Variants in AFF2 observed in about 807,000 individuals in gnomAD.
The protein encoded by AFF2 is AF4/FMR2 family member 2.
Under a neutral mutation model 76.9 loss-of-function variants are expected in AFF2, and 14 were observed. The ratio of observed to expected loss-of-function variants is 0.18; its 90% CI spans 0.12 to 0.28. The LOEUF is 0.28. Ranked by LOEUF, AFF2 falls within the 10% of genes least tolerant of loss-of-function variation. The pLI, the probability that AFF2 is intolerant of heterozygous loss-of-function variation, is 1.00. For missense variants in AFF2, 868 were observed against 1,001.1 expected, an observed-to-expected ratio of 0.87 and a Z score of 1.79; for synonymous variants, 398 against 366.7, an observed-to-expected ratio of 1.09 and a Z score of -0.98.
intron 1 of AFF2, among the ~76,000 whole-genome samples, chrX:148,527,639 CTA>C (rs1353373511): frequency 9.0e-6 from 1 of 111,517 alleles, no homozygotes; most frequent in Non-Finnish European, 1.9e-5. Context: ...CCAATTAACA[CTA>C]CGTGAAAGAT....
intron 1 of AFF2, 53 bp downstream of exon 1, chrX:148,501,197 CTG>C (rs1394938848): frequency 8.4e-7 from 1 of 1,192,644 alleles, no homozygotes; most frequent in African/African-American, 1.8e-5. Flanking sequence ...CTGGCGAAGT[CTG>C]AGGTTTTCGC....
intron 4 of AFF2, among the ~76,000 whole-genome samples, chrX:148,822,704 GGTGTGTGTGTGT>G (rs36003565): frequency 3.3e-5 from 3 of 92,242 alleles, no homozygotes; most frequent in South Asian, 6.0e-4. Flanking sequence ...ATTCCTCCAG[GGTGTGTGTGTGT>G]GTGTGTGTGT....
intron 3 of AFF2, among the ~76,000 whole-genome samples, chrX:148,796,748 C>T (rs914599097): frequency 8.9e-6 from 1 of 111,825 alleles, no homozygotes; most frequent in African/African-American, 3.2e-5. Context: ...AAATGGAAGA[C>T]TTAGGAACAA....
At chrX:148,598,366 C>T (rs1315787386) in intron 1 of AFF2, among the ~76,000 whole-genome samples, 5 of 111,257 alleles carry the variant, frequency 4.5e-5, no homozygotes, top group African/African-American at 6.5e-5. Context: ...AGACATGGTT[C>T]GTCCCCTTCC....
At chrX:148,837,264 C>A (rs148726464) in intron 4 of AFF2, among the ~76,000 whole-genome samples, 8 of 112,006 alleles carry the variant, frequency 7.1e-5, no homozygotes. Flanking sequence ...GGAGAAGAGA[C>A]GATGCCAGGG....
chrX:148,775,765 CCAAACTCCCT>C (rs1557268505), intron 3 of AFF2, among the ~76,000 whole-genome samples: 2 of 110,788 alleles, frequency 1.8e-5, no homozygotes, highest in South Asian at 7.9e-4. Context: ...GTGTCTGTCC[CCAAACTCCCT>C]CTGCCTCTCT....
intron 3 of AFF2, among the ~76,000 whole-genome samples, chrX:148,767,638 T>C (rs782334968): frequency 1.8e-5 from 2 of 111,792 alleles, no homozygotes; most frequent in African/African-American, 3.2e-5. Context: ...GAAAAACTAA[T>C]TTGCTAAGAA....
intron 7 of AFF2, among the ~76,000 whole-genome samples, chrX:148,884,286 T>A (rs782083905): frequency 6.2e-5 from 7 of 112,386 alleles, no homozygotes; most frequent in Non-Finnish European, 1.1e-4. Flanking sequence ...CCAGCAATCA[T>A]CCTTTATATC....
At chrX:148,967,496 A>G in intron 14 of AFF2, 133 bp from the exon 15 acceptor site, 1 of 561,140 alleles carries the variant, frequency 1.8e-6, no homozygotes, top group Non-Finnish European at 2.8e-6. Context: ...TTATGATATG[A>G]ATGACAGCAT....
At chrX:148,566,310 T>C (rs2053170154) in intron 1 of AFF2, among the ~76,000 whole-genome samples, 1 of 111,657 alleles carries the variant, frequency 9.0e-6, no homozygotes, top group Non-Finnish European at 1.9e-5. Context: ...AATCAGATGC[T>C]GATTTCTTCC....
chrX:148,980,693 A>T, intron 18 of AFF2, 45 bp from the exon 19 acceptor site: 1 of 1,068,909 alleles, frequency 9.4e-7, no homozygotes, highest in East Asian at 3.1e-5. Flanking sequence ...AATAAAACAC[A>T]AAATAGATGT....
At chrX:148,617,040 G>A (rs1464222303) in intron 1 of AFF2, among the ~76,000 whole-genome samples, 2 of 111,863 alleles carry the variant, frequency 1.8e-5, no homozygotes, top group South Asian at 7.4e-4. Context: ...ACATACGTGT[G>A]CATGTGTCTT....
At position 148,958,340 on chromosome X, in the gene AFF2, A is replaced by G. The variant is rs782744749; in HGVS notation, c.2572A>G (p.Ile858Val). 14 of 1,211,346 alleles carry G rather than the reference A, an allele frequency of 1.2e-5. No homozygotes were observed. Among genetic ancestry groups the G allele is most frequent in the Middle Eastern group, 2.3e-4 (1 of 4,352 alleles). ...APKGKRKHKP[I>V]EVAEKIPEKK... ...TGTATTTTTTTCCCTGTTAAAGCCA[A>G]TAGAAGTTGCAGAGAAGATCCCTGA... The change falls in exon 12 of 21, where the codon ATA becomes GTA. Residue 858 changes from isoleucine to valine, a missense_variant. This residue lies in a region of AFF2 where 532 missense variants were observed against 564.2 expected (regional missense o/e 0.94). Coordinates refer to ENST00000370460, the MANE Select transcript of AFF2 (RefSeq NM_002025.4).
At chrX:148,543,303 T>C (rs782636008) in intron 1 of AFF2, among the ~76,000 whole-genome samples, 1 of 111,978 alleles carries the variant, frequency 8.9e-6, no homozygotes, top group Admixed American at 9.5e-5. Flanking sequence ...GTGAATCTTA[T>C]GTGCAATGAC....
chrX:148,789,878 TC>T (rs782720023), intron 3 of AFF2, among the ~76,000 whole-genome samples: 70 of 111,800 alleles, frequency 6.3e-4, no homozygotes, highest in Non-Finnish European at 1.2e-3. Flanking sequence ...TCCAGCCTTT[TC>T]AATTCATAGG....
chrX:148,858,242 C>T (rs1387575417), intron 7 of AFF2, among the ~76,000 whole-genome samples: 3 of 111,213 alleles, frequency 2.7e-5, no homozygotes, highest in Admixed American at 1.9e-4. Context: ...TTCACATGCC[C>T]ACCCTATTAT....
rs192259753 is a variant in AFF2, at chrX:148,590,966, T to C, written c.48-61033T>C. 8.9e-5 allele frequency among the ~76,000 whole-genome samples: 10 copies of C among 111,909 alleles called. No homozygotes were observed. The East Asian group carries it at 2.8e-3, about 32-fold the overall frequency. ...GTTGTGGTTTATTATATAATCCTGG[T>C]CTGCAATTTTCCTTAGATGCACAAG... is the stretch of plus-strand genomic sequence containing the variant. On this transcript the variant is annotated intron_variant, in intron 1 of 20. Coordinates refer to ENST00000370460, the MANE Select transcript of AFF2 (RefSeq NM_002025.4).
rs180806137 is a variant in AFF2 at position 148,913,208 on chromosome X, T to C, written c.1397+8950T>C. 3.4e-3 allele frequency among the ~76,000 whole-genome samples: 387 copies of C among 112,442 alleles called. 3 individuals carry two copies. The highest frequency in any genetic ancestry group is 0.012 in the African/African-American group (373 of 30,958). On this transcript the variant is annotated intron_variant, in intron 9 of 20. Transcript: ENST00000370460. ...GAAAACTGAGACCCAAAGAGCAAAC[T>C]GCCCAGAACCCCAAGTTTCCAGGAA...
At chrX:148,931,203 G>T (rs895777930) in intron 9 of AFF2, among the ~76,000 whole-genome samples, 1 of 89,766 alleles carries the variant, frequency 1.1e-5, no homozygotes, top group East Asian at 3.7e-4. Flanking sequence ...GCAGTGAGCC[G>T]AGATCACGCC....
Sources: allele counts gnomAD v4.1 joint callset (sites outside exome capture counted in the v4.1 genomes callset), GRCh38; gene constraint gnomAD v4.1.1; regional missense constraint gnomAD v4.1.1; transcripts MANE v1.5; gene names NCBI Gene and HGNC (gene_info 2026-07-23, HGNC 2026-07-21).